Variants in SYNE3 observed in about 807,000 individuals in gnomAD.
SYNE3 encodes the protein nesprin-3.
In SYNE3, 100 loss-of-function variants were observed where a neutral mutation model predicts 111.2. That is an observed-to-expected ratio of 0.90 (90% confidence interval 0.77 to 1.06). The LOEUF (loss-of-function observed/expected upper bound fraction) is 1.06. Among genes scored for constraint, SYNE3 ranks in the 50% least tolerant of loss-of-function variants. The pLI, the probability that SYNE3 is intolerant of heterozygous loss-of-function variation, is 0.00. For synonymous variants in SYNE3, 547 were observed against 533.9 expected (o/e 1.02, Z -0.34); for missense variants, 1,160 against 1,240.3 (o/e 0.94, Z 0.97).
intron 4 of SYNE3, among the ~76,000 whole-genome samples, chr14:95,461,307 C>CG (rs1471271773): frequency 1.3e-5 from 2 of 152,194 alleles, no homozygotes; most frequent in African/African-American, 4.8e-5. Context: ...CGGGAAGCAG[C>CG]GGGGGTGAGG....
intron 2 of SYNE3, among the ~76,000 whole-genome samples, chr14:95,473,639 T>C (rs1229413209): frequency 1.2e-4 from 18 of 151,986 alleles, no homozygotes; most frequent in African/African-American, 4.1e-4. Flanking sequence ...TGACAGTGGC[T>C]GGAGCTAAGG....
Position 95,411,494 on chromosome 14 carries a change from T to C in SYNE3, c.*6332A>G, listed in dbSNP as rs1205030103. The C allele has an allele frequency of 1.3e-5, 2 of 150,898 alleles. No homozygotes were observed. Among genetic ancestry groups the C allele is most frequent in the African/African-American group, 4.9e-5 (2 of 40,902 alleles). 9.3% of individuals were successfully genotyped at this position (150,898 alleles called of 1,614,324 possible). A position where few individuals can be genotyped will look rare whatever the true frequency, so the allele number is the denominator to read the frequency against. ...GTCCATTGGGTCAGAGAGTGGGGAG[T>C]GGGAAAGGTTGGTGATCAACTATTT... On this transcript the variant is annotated 3_prime_UTR_variant, in exon 18 of 18. Transcript: ENST00000682763.
In SYNE3 at chr14:95,417,705, T is replaced by C. The variant is rs1040967287; in HGVS notation, c.*121A>G. On this transcript the variant is annotated 3_prime_UTR_variant, in exon 18 of 18. Coordinates refer to ENST00000682763, the MANE Select transcript of SYNE3 (RefSeq NM_152592.6). The stretch of plus-strand genomic sequence containing the variant: ...TGGGAACGCTGACACAGCACTGATA[T>C]GGATGCAGCTCTGCAGTCTTTGCCC... 4 of 1,029,288 alleles carry C rather than the reference T, an allele frequency of 3.9e-6. No individual in the cohort carries two copies. Among genetic ancestry groups the C allele is most frequent in the Non-Finnish European group, 4.6e-6 (3 of 656,318 alleles). The allele number at this position is 1,029,288 out of a possible 1,614,324, so 63.8% of individuals were successfully genotyped here.
At chr14:95,502,029 C>T (rs1890356408) in intron 1 of SYNE3, among the ~76,000 whole-genome samples, 1 of 152,070 alleles carries the variant, frequency 6.6e-6, no homozygotes, top group Non-Finnish European at 1.5e-5. Flanking sequence ...ATGATTCCAC[C>T]TTTACTCCTT....
intron 5 of SYNE3, among the ~76,000 whole-genome samples, chr14:95,456,881 G>A (rs547409610): frequency 9.2e-5 from 14 of 152,168 alleles, no homozygotes; most frequent in South Asian, 4.2e-4. Context: ...TCAGGAGATC[G>A]AGACCATCCT....
At chr14:95,501,696 G>A (rs544018164) in intron 1 of SYNE3, among the ~76,000 whole-genome samples, 28 of 152,262 alleles carry the variant, frequency 1.8e-4, no homozygotes, top group Middle Eastern at 3.4e-3. Flanking sequence ...AGGGACAGTG[G>A]AGGAGGTGGC....
chr14:95,463,665 A>G (rs4905325), intron 4 of SYNE3, among the ~76,000 whole-genome samples: 104,179 of 152,150 alleles, frequency 0.68, 35,830 homozygotes, highest in Admixed American at 0.73. Flanking sequence ...ATGAGGGCCA[A>G]TTGGCTGCCT....
At chr14:95,492,742 G>A (rs895822787) in intron 1 of SYNE3, among the ~76,000 whole-genome samples, 1 of 152,110 alleles carries the variant, frequency 6.6e-6, no homozygotes, top group African/African-American at 2.4e-5. Context: ...GAGGGTAGGC[G>A]AGGTGGCTCA....
chr14:95,437,204 C>T (rs1176048462), intron 14 of SYNE3, among the ~76,000 whole-genome samples: 1 of 152,236 alleles, frequency 6.6e-6, no homozygotes, highest in African/African-American at 2.4e-5. Flanking sequence ...TGAGAGGTGA[C>T]GGAAGCCACC....
chr14:95,455,026 G>T (rs918181085), intron 6 of SYNE3, among the ~76,000 whole-genome samples: 1 of 152,182 alleles, frequency 6.6e-6, no homozygotes, highest in South Asian at 2.1e-4. Flanking sequence ...CCTGTTCCAC[G>T]CAGAGGAAGC....
chr14:95,454,910 G>T lies in SYNE3; in HGVS notation c.1137+467C>A, dbSNP rs560722350. Among the ~76,000 whole-genome samples the T allele has an allele frequency of 2.0e-5, 3 of 152,258 alleles. No individual in the cohort carries two copies. In the South Asian group the frequency reaches 6.2e-4, roughly 32 times the overall value. ...GATGGGATGTCATGTCGGGGTCTGG[G>T]AAGCACCCCCCACCACCGTGGGCCT... On this transcript the variant is annotated intron_variant, in intron 6 of 17. Transcript: ENST00000682763.
intron 14 of SYNE3, chr14:95,438,749 G>A (rs1886237923): frequency 9.5e-6 from 3 of 315,964 alleles, no homozygotes; most frequent in South Asian, 8.2e-5. Context: ...TGCAGGAGCT[G>A]CTGCTAGTGG....
chr14:95,498,937 T>C (rs975248742), intron 1 of SYNE3, among the ~76,000 whole-genome samples: 1 of 152,240 alleles, frequency 6.6e-6, no homozygotes, highest in Non-Finnish European at 1.5e-5. Flanking sequence ...AGTTTTCAGC[T>C]TTGGTTTACA....
intron 1 of SYNE3, among the ~76,000 whole-genome samples, chr14:95,480,995 C>T (rs963727488): frequency 1.3e-5 from 2 of 152,094 alleles, no homozygotes; most frequent in Admixed American, 6.5e-5. Flanking sequence ...CTCCTCCCCA[C>T]CCCCGACCCC....
At chr14:95,471,023 A>G (rs563342976) in intron 2 of SYNE3, among the ~76,000 whole-genome samples, 6 of 152,166 alleles carry the variant, frequency 3.9e-5, no homozygotes, top group African/African-American at 1.4e-4. Context: ...TCTGATTCCC[A>G]GAAATGTGAA....
chr14:95,478,422 C>T (rs572369525), intron 1 of SYNE3, among the ~76,000 whole-genome samples: 64 of 152,284 alleles, frequency 4.2e-4, no homozygotes, highest in African/African-American at 1.4e-3. Context: ...TACTGTGACC[C>T]CTGCACGCCA....
intron 1 of SYNE3, among the ~76,000 whole-genome samples, chr14:95,488,412 C>A (rs1417941147): frequency 6.6e-6 from 1 of 152,100 alleles, no homozygotes; most frequent in Non-Finnish European, 1.5e-5. Flanking sequence ...ATTCATGCAC[C>A]CACGGATGGA....
At position 95,446,086 on chromosome 14, in the gene SYNE3, G is replaced by A. The variant is rs763758960; in HGVS notation, c.1455C>T (p.Ala485=). The stretch of plus-strand genomic sequence containing the variant: ...CTTTCAGGCGGGAGCTTTCCATCAG[G>A]GCTGCCTGTGGGAGACAAGGCTTCC... ...LHTFLPQIEA[A]LMESSRLKEL... is the part of the protein sequence containing the mutation. Residue 485 remains alanine (A), a synonymous_variant, in exon 9 of 18, where the codon GCC becomes GCT. Coordinates refer to ENST00000682763, the MANE Select transcript of SYNE3 (RefSeq NM_152592.6). 1 of 1,613,932 alleles carries A rather than the reference G, an allele frequency of 6.2e-7. No homozygotes were observed. Among genetic ancestry groups the A allele is most frequent in the South Asian group, 1.1e-5 (1 of 91,068 alleles).
In SYNE3 at chr14:95,470,752, G is replaced by A. The variant is rs530657190; in HGVS notation, c.145-2785C>T. On this transcript the variant is annotated intron_variant, in intron 2 of 17. Coordinates refer to ENST00000682763, the MANE Select transcript of SYNE3 (RefSeq NM_152592.6). The surrounding 1 kb of genome is among the most constrained non-coding windows in gnomAD (Gnocchi z 4.2). ...AGGCGGACAGATCACGAGGTCAGGAGTTTGAGGCCATCCTGGCCAACATGG... is the reference window on the plus strand; with the variant it reads ...AGGCGGACAGATCACGAGGTCAGGAATTTGAGGCCATCCTGGCCAACATGG... 1.6e-3 allele frequency among the ~76,000 whole-genome samples: 239 copies of A among 152,334 alleles called. 1 individual carries two copies. Among genetic ancestry groups the A allele is most frequent in the African/African-American group, 5.7e-3 (236 of 41,578 alleles).
Sources: gnomAD v4.1 joint callset for allele counts (sites outside exome capture counted in the v4.1 genomes callset) on GRCh38, gnomAD v4.1.1 for gene constraint, Gnocchi (gnomAD v3.1) non-coding constraint, MANE v1.5 for transcripts, NCBI Gene and HGNC (gene_info 2026-07-23, HGNC 2026-07-21) for gene names.